CBFA2T2: variants seen among roughly 807,000 people sequenced by gnomAD.
CBFA2T2 encodes the protein CBFA2/RUNX1 partner transcriptional co-repressor 2.
A neutral mutation model predicts 62.2 loss-of-function variants in CBFA2T2; 11 were observed. The observed-to-expected ratio is 0.18, with a 90% CI of 0.11 to 0.29. CBFA2T2 has a LOEUF of 0.29. Among genes scored for constraint, CBFA2T2 ranks in the 10% least tolerant of loss-of-function variants. CBFA2T2 has a pLI of 1.00. For missense variants in CBFA2T2, 592 were observed against 774.1 expected (o/e 0.76, Z 2.79); for synonymous variants, 295 against 287.5 (o/e 1.03, Z -0.27).
chr20:33,566,310 G>A (rs1206142759), intron 1 of CBFA2T2, among the ~76,000 whole-genome samples: 1 of 151,986 alleles, frequency 6.6e-6, no homozygotes, highest in African/African-American at 2.4e-5. Context: ...AGGAGATAAA[G>A]TGTACAAAAA....
chr20:33,526,657 A>G (rs1270402200), intron 1 of CBFA2T2, among the ~76,000 whole-genome samples: 1 of 152,174 alleles, frequency 6.6e-6, no homozygotes, highest in African/African-American at 2.4e-5. Flanking sequence ...ATTCAGTATG[A>G]TAAGTTAGCT....
At position 33,535,859 on chromosome 20, in the gene CBFA2T2, G is replaced by T. The variant is rs550640683; in HGVS notation, c.34+45558G>T. 1.3e-4 allele frequency among the ~76,000 whole-genome samples: 20 copies of T among 152,096 alleles called. No individual in the cohort carries two copies. The South Asian group carries it at 4.1e-3, about 32-fold the overall frequency. ...GTCCCTGGGTACTTGAGATTAGGGA[G>T]TGGTGATGATTCTTAACGAGCATGC... On this transcript the variant is annotated intron_variant, in intron 1 of 10. Transcript: ENST00000342704.
chr20:33,632,287 A>T (rs1601102891), intron 8 of CBFA2T2, among the ~76,000 whole-genome samples: 1 of 151,884 alleles, frequency 6.6e-6, no homozygotes, highest in Non-Finnish European at 1.5e-5. Context: ...TGTATGATCC[A>T]CCCACCTTGG....
At chr20:33,577,211 C>A (rs1157138096) in intron 1 of CBFA2T2, among the ~76,000 whole-genome samples, 2 of 152,076 alleles carry the variant, frequency 1.3e-5, no homozygotes, top group African/African-American at 4.8e-5. Flanking sequence ...AGACTTGTGC[C>A]TATACTAAGT....
In CBFA2T2 at chr20:33,626,897, C is replaced by T. The variant is rs888484648; in HGVS notation, c.947-1453C>T. 7.2e-5 allele frequency among the ~76,000 whole-genome samples: 11 copies of T among 152,264 alleles called. No homozygotes were observed. The East Asian group carries it at 1.7e-3, about 24-fold the overall frequency. On this transcript the variant is annotated intron_variant, in intron 6 of 10. Coordinates refer to ENST00000342704, the MANE Select transcript of CBFA2T2 (RefSeq NM_001032999.3). The stretch of plus-strand genomic sequence containing the variant: ...TTGTAAGTACATTGTCTTATTTTAT[C>T]CTCACAGGAGTCCCAGACAATTGTT...
chr20:33,530,118 T>G (rs1231860309), intron 1 of CBFA2T2, among the ~76,000 whole-genome samples: 1 of 152,010 alleles, frequency 6.6e-6, no homozygotes, highest in Non-Finnish European at 1.5e-5. Flanking sequence ...AGAGATCAGG[T>G]CTCCCTGTGT....
chr20:33,563,068 C>T (rs1239938992), intron 1 of CBFA2T2, among the ~76,000 whole-genome samples: 3 of 152,102 alleles, frequency 2.0e-5, no homozygotes, highest in Non-Finnish European at 2.9e-5. Context: ...GCTCATAAAA[C>T]GCTCTTTTCT....
rs565942207 is a variant in CBFA2T2, at chr20:33,593,517, C to T, written c.35-13439C>T. On this transcript the variant is annotated intron_variant, in intron 1 of 10. Coordinates refer to ENST00000342704, the MANE Select transcript of CBFA2T2 (RefSeq NM_001032999.3). ...AAGTGATTCTCCAGTGTCAGCCTCCCGAGTAGCTGGGATTACAGGCACCTG... is the reference window on the plus strand; with the variant it reads ...AAGTGATTCTCCAGTGTCAGCCTCCTGAGTAGCTGGGATTACAGGCACCTG... Among the ~76,000 whole-genome samples the T allele has an allele frequency of 4.6e-5, 7 of 150,810 alleles. No homozygotes were observed. The South Asian group carries it at 6.3e-4, about 14-fold the overall frequency.
intron 1 of CBFA2T2, among the ~76,000 whole-genome samples, chr20:33,568,065 G>C (rs1439116565): frequency 6.6e-6 from 1 of 152,294 alleles, no homozygotes; most frequent in South Asian, 2.1e-4. Context: ...AGAGAAGACG[G>C]TGAAAGATTG....
At chr20:33,515,142 A>G (rs2011577353) in intron 1 of CBFA2T2, among the ~76,000 whole-genome samples, 1 of 151,766 alleles carries the variant, frequency 6.6e-6, no homozygotes. Flanking sequence ...TGAGGTCAGG[A>G]GTTTGAGACT....
intron 1 of CBFA2T2, among the ~76,000 whole-genome samples, chr20:33,513,894 TTG>T (rs1046062003): frequency 1.3e-5 from 2 of 151,310 alleles, no homozygotes; most frequent in Non-Finnish European, 2.9e-5. Context: ...GTTTTTTGTT[TTG>T]TGTTTTTTTT....
chr20:33,548,374 G>C (rs1167245649), intron 1 of CBFA2T2, among the ~76,000 whole-genome samples: 7 of 151,742 alleles, frequency 4.6e-5, no homozygotes, highest in Non-Finnish European at 1.0e-4. Context: ...CTCCCAGGTA[G>C]CTAGGATTAC....
chr20:33,611,989 A>G (rs531608408), intron 3 of CBFA2T2, among the ~76,000 whole-genome samples: 1 of 152,186 alleles, frequency 6.6e-6, no homozygotes, highest in Non-Finnish European at 1.5e-5. Flanking sequence ...TGCTTAGTGC[A>G]TTGTTTCCAA....
intron 1 of CBFA2T2, among the ~76,000 whole-genome samples, chr20:33,498,642 G>C (rs547257346): frequency 6.6e-6 from 1 of 152,090 alleles, no homozygotes; most frequent in Non-Finnish European, 1.5e-5. Context: ...CCAGTTACTC[G>C]GAAGGCTGAG....
intron 1 of CBFA2T2, among the ~76,000 whole-genome samples, chr20:33,550,311 G>T (rs1313700342): frequency 6.6e-6 from 1 of 152,040 alleles, no homozygotes; most frequent in Non-Finnish European, 1.5e-5. Context: ...AATTCTTGAA[G>T]ACAGCATAAT....
intron 1 of CBFA2T2, among the ~76,000 whole-genome samples, chr20:33,600,182 G>GTTTTTTTTTTTT (rs1183371343): frequency 3.2e-5 from 2 of 62,066 alleles, no homozygotes; most frequent in African/African-American, 6.5e-5. Flanking sequence ...CTTTTGGAAA[G>GTTTTTTTTTTTT]TTTTTTTTTT....
intron 1 of CBFA2T2, among the ~76,000 whole-genome samples, chr20:33,584,804 G>C (rs2014293455): frequency 6.6e-6 from 1 of 152,124 alleles, no homozygotes; most frequent in South Asian, 2.1e-4. Context: ...TTATTTTATA[G>C]AGCTTGAGCC....
At chr20:33,492,610 G>C (rs932631781) in intron 1 of CBFA2T2, among the ~76,000 whole-genome samples, 1 of 151,976 alleles carries the variant, frequency 6.6e-6, no homozygotes, top group Non-Finnish European at 1.5e-5. Flanking sequence ...AACCTCCTGG[G>C]TTCAAGTGAT....
At chr20:33,494,762 C>A (rs2146842215) in intron 1 of CBFA2T2, among the ~76,000 whole-genome samples, 1 of 151,636 alleles carries the variant, frequency 6.6e-6, no homozygotes, top group Middle Eastern at 3.4e-3. Context: ...CCACACCCAG[C>A]TAATTTTGTA....
Sources: gnomAD v4.1 joint callset for allele counts (sites outside exome capture counted in the v4.1 genomes callset) on GRCh38, gnomAD v4.1.1 for gene constraint, MANE v1.5 for transcripts, NCBI Gene and HGNC (gene_info 2026-07-23, HGNC 2026-07-21) for gene names.